B4GALNT3: variants seen among roughly 807,000 people sequenced by gnomAD.
The protein encoded by B4GALNT3 is beta-1,4-N-acetylgalactosaminyltransferase 3.
Under a neutral mutation model 120.2 loss-of-function variants are expected in B4GALNT3, and 86 were observed. The observed-to-expected ratio is 0.72, with a 90% CI of 0.60 to 0.86. B4GALNT3 has a LOEUF of 0.86. Ranked by LOEUF, B4GALNT3 falls within the 40% of genes least tolerant of loss-of-function variation. The pLI is 0.00. For missense variants in B4GALNT3, 1,167 were observed against 1,298.9 expected, an observed-to-expected ratio of 0.90 and a Z score of 1.56; for synonymous variants, 518 against 510.4, an observed-to-expected ratio of 1.01 and a Z score of -0.20.
chr12:557,116 G>C (rs901431154), intron 15 of B4GALNT3, among the ~76,000 whole-genome samples: 2 of 152,124 alleles, frequency 1.3e-5, no homozygotes, highest in Admixed American at 6.5e-5. Context: ...TTCAGGATTG[G>C]GTGTGATAAC....
rs758215549 is a variant in B4GALNT3 at position 460,464 on chromosome 12, G to A, written c.88G>A (p.Ala30Thr). Residue 30 changes from alanine (A) to threonine (T), a missense_variant, in exon 1 of 20, where the codon GCC becomes ACC. Coordinates refer to ENST00000266383, the MANE Select transcript of B4GALNT3 (RefSeq NM_173593.4). The surrounding 1 kb of genome is among the most constrained non-coding windows in gnomAD (Gnocchi z 8.0). ...RRRFRLLLAL[A>T]VVSVGLWTLY... ...GCGCTTCCGGCTGCTGCTGGCGCTC[G>A]CCGTGGTGTCTGTGGGGCTCTGGAC... is the stretch of plus-strand genomic sequence containing the variant. 1 of 1,583,924 alleles carries A rather than the reference G, an allele frequency of 6.3e-7. No homozygotes were observed. Among genetic ancestry groups the A allele is most frequent in the East Asian group, 2.4e-5 (1 of 42,544 alleles).
chr12:466,455 A>C (rs1333948450), intron 1 of B4GALNT3, among the ~76,000 whole-genome samples: 1 of 152,196 alleles, frequency 6.6e-6, no homozygotes, highest in African/African-American at 2.4e-5. Context: ...GTTATATGTA[A>C]AGATTATGTG....
chr12:515,149 C>T (rs1946639653), intron 1 of B4GALNT3, among the ~76,000 whole-genome samples: 1 of 151,850 alleles, frequency 6.6e-6, no homozygotes, highest in Non-Finnish European at 1.5e-5. Context: ...GAAAGGAAGG[C>T]AATAATAGTA....
intron 1 of B4GALNT3, among the ~76,000 whole-genome samples, chr12:498,133 T>G (rs1946405855): frequency 6.6e-6 from 1 of 152,218 alleles, no homozygotes; most frequent in African/African-American, 2.4e-5. Context: ...CTCCTGGGCT[T>G]ACTAGTACCT....
intron 3 of B4GALNT3, among the ~76,000 whole-genome samples, chr12:536,703 T>A (rs1946864294): frequency 6.6e-6 from 1 of 152,210 alleles, no homozygotes; most frequent in African/African-American, 2.4e-5. Context: ...TCAATTTCTC[T>A]CTTTAGAGAA....
chr12:483,916 T>C (rs558082410), intron 1 of B4GALNT3, among the ~76,000 whole-genome samples: 23 of 152,288 alleles, frequency 1.5e-4, no homozygotes, highest in African/African-American at 5.5e-4. Flanking sequence ...CGAGTTGACT[T>C]GCACAGTGAG....
intron 14 of B4GALNT3, among the ~76,000 whole-genome samples, chr12:554,401 A>T (rs1265565093): frequency 1.3e-5 from 2 of 152,272 alleles, no homozygotes. Context: ...TTGTGTTTTC[A>T]TTCATCCATT....
intron 1 of B4GALNT3, among the ~76,000 whole-genome samples, chr12:513,440 C>T (rs1946619203): frequency 1.3e-5 from 2 of 152,206 alleles, no homozygotes; most frequent in Non-Finnish European, 2.9e-5. Flanking sequence ...ATAGGGTTAA[C>T]TTCCTGATGT....
chr12:487,585 T>C (rs1220407742), intron 1 of B4GALNT3, among the ~76,000 whole-genome samples: 2 of 151,934 alleles, frequency 1.3e-5, no homozygotes, highest in African/African-American at 4.8e-5. Flanking sequence ...TAGTGGCGCA[T>C]GCCTGTAGTC....
chr12:557,770 G>T lies in B4GALNT3; in HGVS notation c.2534+9G>T. The stretch of plus-strand genomic sequence containing the variant: ...AGGTCCAAGCTGCGGAGGTGAGGGG[G>T]ACCACCAGCCAGGGGGTGGCATGGG... On this transcript the variant is annotated intron_variant, in intron 16 of 19. Coordinates refer to ENST00000266383, the MANE Select transcript of B4GALNT3 (RefSeq NM_173593.4). The T allele has an allele frequency of 6.3e-7, 1 of 1,597,456 alleles. No homozygotes were observed. The highest frequency in any genetic ancestry group is 1.1e-5 in the South Asian group (1 of 89,044).
intron 1 of B4GALNT3, among the ~76,000 whole-genome samples, chr12:530,645 T>C (rs1010610689): frequency 2.0e-5 from 3 of 152,116 alleles, no homozygotes; most frequent in Admixed American, 1.3e-4. Flanking sequence ...TGACTTTGCC[T>C]TTCTGTTTCT....
intron 1 of B4GALNT3, among the ~76,000 whole-genome samples, chr12:488,912 C>T (rs1946315510): frequency 6.6e-6 from 1 of 151,328 alleles, no homozygotes; most frequent in Non-Finnish European, 1.5e-5. Context: ...AAAAGTATAA[C>T]TGATATGCTA....
chr12:493,254 A>G (rs913475850), intron 1 of B4GALNT3, among the ~76,000 whole-genome samples: 2 of 152,252 alleles, frequency 1.3e-5, no homozygotes, highest in African/African-American at 2.4e-5. Flanking sequence ...ATTAATGGGC[A>G]AAGCACCTGA....
intron 14 of B4GALNT3, chr12:555,225 G>C (rs1947138499): frequency 2.7e-6 from 1 of 376,154 alleles, no homozygotes. Context: ...GTATGTGTTA[G>C]TGGTTACTTC....
chr12:462,247 C>T (rs1369730703), intron 1 of B4GALNT3, among the ~76,000 whole-genome samples: 1 of 152,054 alleles, frequency 6.6e-6, no homozygotes, highest in Non-Finnish European at 1.5e-5. Flanking sequence ...GTGTAGCCAT[C>T]ATTTTGTTTA....
Position 561,505 on chromosome 12 carries a change from C to T in B4GALNT3, c.*54C>T, listed in dbSNP as rs2535408. The T allele has an allele frequency of 0.025, 34,773 of 1,385,966 alleles. 875 individuals are homozygous for T. The highest frequency in any genetic ancestry group is 0.13 in the African/African-American group (9,041 of 70,606). The allele number at this position is 1,385,966 out of a possible 1,614,324, so 85.9% of individuals were successfully genotyped here. On this transcript the variant is annotated 3_prime_UTR_variant, in exon 20 of 20. Coordinates refer to ENST00000266383, the MANE Select transcript of B4GALNT3 (RefSeq NM_173593.4). ...CCCCGCTCTGGACTAGCAGTGGCTC[C>T]CCAGGGCCCTGCTACTGTTCAGGGA...
chr12:499,771 A>G (rs1194346065), intron 1 of B4GALNT3, among the ~76,000 whole-genome samples: 1 of 152,266 alleles, frequency 6.6e-6, no homozygotes, highest in East Asian at 1.9e-4. Context: ...AGGAGTGGTC[A>G]CTTTATTGGC....
chr12:553,527 G>T lies in B4GALNT3; in HGVS notation c.1604G>T (p.Gly535Val). 1 of 1,613,994 alleles carries T rather than the reference G, an allele frequency of 6.2e-7. No homozygotes were observed. The highest frequency in any genetic ancestry group is 8.5e-7 in the Non-Finnish European group (1 of 1,179,952). Residue 535 changes from glycine to valine, a missense_variant, in exon 14 of 20, where the codon GGG (glycine) becomes GTG (valine). By Grantham distance (109) the Gly-to-Val change is moderately radical (BLOSUM62 -3). Coordinates refer to ENST00000266383, the MANE Select transcript of B4GALNT3 (RefSeq NM_173593.4). ...DSPHSDKWPPGHPVKNLPQMR... is the reference protein window; with the variant it reads ...DSPHSDKWPPVHPVKNLPQMR... ...CCTCATTCCGACAAGTGGCCTCCTG[G>T]GCACCCTGTGAAGAACCTGCCTCAG...
At chr12:537,381 A>G (rs951870136) in intron 3 of B4GALNT3, among the ~76,000 whole-genome samples, 2 of 152,184 alleles carry the variant, frequency 1.3e-5, no homozygotes, top group African/African-American at 4.8e-5. Flanking sequence ...ACTTCTGAGT[A>G]GCTAGGACTA....
Sources: gnomAD v4.1 joint callset for allele counts (sites outside exome capture counted in the v4.1 genomes callset) on GRCh38, gnomAD v4.1.1 for gene constraint, Gnocchi (gnomAD v3.1) non-coding constraint, MANE v1.5 for transcripts, NCBI Gene and HGNC (gene_info 2026-07-23, HGNC 2026-07-21) for gene names.